The following SRD5A2 variants were observed in gnomAD, a reference collection of about 807,000 sequenced individuals.
The protein encoded by SRD5A2 is steroid 5 alpha-reductase 2.
SRD5A2 carries 30 observed loss-of-function variants against 27.4 expected under a neutral mutation model. The observed-to-expected ratio is 1.10, with a 90% CI of 0.82 to 1.49. SRD5A2 has a LOEUF of 1.49. Ranked by LOEUF, SRD5A2 falls within the 40% of genes most tolerant of loss-of-function variation. The pLI is 0.00. For missense variants in SRD5A2, 348 were observed against 323.4 expected, an observed-to-expected ratio of 1.08 and a Z score of -0.58; for synonymous variants, 141 against 133.6, an observed-to-expected ratio of 1.06 and a Z score of -0.38.
chr2:31,578,410 T>C (rs1667004554), intron 1 of SRD5A2, among the ~76,000 whole-genome samples: 1 of 152,194 alleles, frequency 6.6e-6, no homozygotes, highest in African/African-American at 2.4e-5. Flanking sequence ...TGTGTGACCT[T>C]GGGCAAGGAA....
chr2:31,570,074 G>A (rs572043496), intron 1 of SRD5A2, among the ~76,000 whole-genome samples: 5 of 152,000 alleles, frequency 3.3e-5, no homozygotes, highest in African/African-American at 1.2e-4. Context: ...AGACACAACA[G>A]AAAAAGAAAA....
chr2:31,526,381 C>T (rs1040721183), intron 4 of SRD5A2, 119 bp from the exon 5 acceptor site: 10 of 688,534 alleles, frequency 1.5e-5, no homozygotes, highest in African/African-American at 5.4e-5. Flanking sequence ...CTGACTATTT[C>T]GATGGTCACT....
the SRD5A2 span, among the ~76,000 whole-genome samples, chr2:31,623,030 C>T: frequency 6.6e-6 from 1 of 152,062 alleles, no homozygotes; most frequent in Non-Finnish European, 1.5e-5. Flanking sequence ...GTAAGAGGAT[C>T]ACCTTCAATG....
In SRD5A2 at chr2:31,555,439, C is replaced by T. The variant is rs112905848; in HGVS notation, c.282-21673G>A. Among the ~76,000 whole-genome samples the T allele has an allele frequency of 6.1e-3, 932 of 152,180 alleles. 6 individuals carry two copies. Among genetic ancestry groups the T allele is most frequent in the South Asian group, 0.017 (81 of 4,816 alleles). On this transcript the variant is annotated intron_variant, in intron 1 of 4. Transcript: ENST00000622030. ...GTTGTCTCAGGCATGAGTATTCAAC[C>T]CAACAAATCTCGGTAAGGTTTTGCT...
chr2:31,586,289 C>T, the SRD5A2 span, among the ~76,000 whole-genome samples: 1 of 152,212 alleles, frequency 6.6e-6, no homozygotes, highest in Admixed American at 6.5e-5. Flanking sequence ...TCCCTGACTC[C>T]TAGACAACAT....
chr2:31,629,696 T>G, the SRD5A2 span, among the ~76,000 whole-genome samples: 1 of 152,282 alleles, frequency 6.6e-6, no homozygotes, highest in African/African-American at 2.4e-5. Flanking sequence ...CATTAGCTGG[T>G]TGAGATCATG....
intron 4 of SRD5A2, among the ~76,000 whole-genome samples, chr2:31,526,477 G>C (rs1241302025): frequency 6.6e-6 from 1 of 152,304 alleles, no homozygotes; most frequent in African/African-American, 2.4e-5. Context: ...AACAGGCAGA[G>C]GGTAGTGGTG....
At chr2:31,620,096 A>T in the SRD5A2 span, among the ~76,000 whole-genome samples, 1 of 151,960 alleles carries the variant, frequency 6.6e-6, no homozygotes, top group East Asian at 1.9e-4. Flanking sequence ...TCTTTAATCC[A>T]TCTTGAGATG....
intron 1 of SRD5A2, 77 bp downstream of exon 1, chr2:31,580,543 G>T: frequency 7.1e-7 from 1 of 1,411,746 alleles, no homozygotes; most frequent in Non-Finnish European, 9.3e-7. Flanking sequence ...TCCTCGGTGC[G>T]CGCTCCACGC....
chr2:31,590,231 CT>C, the SRD5A2 span, among the ~76,000 whole-genome samples: 1 of 136,100 alleles, frequency 7.3e-6, no homozygotes, highest in Non-Finnish European at 1.5e-5. Context: ...CTCTTGGGAG[CT>C]CTATGGCCCC....
chr2:31,580,250 T>C (rs1185514968), intron 1 of SRD5A2, among the ~76,000 whole-genome samples: 2 of 152,200 alleles, frequency 1.3e-5, no homozygotes, highest in African/African-American at 2.4e-5. Flanking sequence ...ATGCCACAGG[T>C]AACCGCCGCC....
chr2:31,638,496 A>T, the SRD5A2 span, among the ~76,000 whole-genome samples: 1 of 152,184 alleles, frequency 6.6e-6, no homozygotes, highest in East Asian at 1.9e-4. Context: ...TGTCTGGATG[A>T]TCTGTCCATT....
chr2:31,559,709 A>G (rs1666575089), intron 1 of SRD5A2, among the ~76,000 whole-genome samples: 1 of 152,170 alleles, frequency 6.6e-6, no homozygotes, highest in Non-Finnish European at 1.5e-5. Flanking sequence ...TGAATTGACT[A>G]ATGAAGTTAG....
the SRD5A2 span, among the ~76,000 whole-genome samples, chr2:31,598,851 A>G: frequency 6.6e-6 from 1 of 152,054 alleles, no homozygotes; most frequent in Non-Finnish European, 1.5e-5. Flanking sequence ...AATTGAGTAA[A>G]TTCTGCAATC....
rs1666123261 is a variant in SRD5A2, at chr2:31,541,296, G to C, written c.282-7530C>G. On this transcript the variant is annotated intron_variant, in intron 1 of 4. Transcript: ENST00000622030. Reference sequence around the variant, plus strand: ...CAACCTTGAGGAAAAAGAAGAGTCTGCATCCCAGAGTTACCACATCATTAA... The same window carrying C: ...CAACCTTGAGGAAAAAGAAGAGTCTCCATCCCAGAGTTACCACATCATTAA... Among the ~76,000 whole-genome samples the C allele has an allele frequency of 5.3e-5, 8 of 151,626 alleles. No homozygotes were observed. In the South Asian group the frequency reaches 1.7e-3, roughly 32 times the overall value.
chr2:31,572,770 C>G (rs1666877901), intron 1 of SRD5A2, among the ~76,000 whole-genome samples: 1 of 152,040 alleles, frequency 6.6e-6, no homozygotes, highest in South Asian at 2.1e-4. Flanking sequence ...GAACCAGAGT[C>G]TATACATGAA....
At chr2:31,574,380 T>C (rs774276068) in intron 1 of SRD5A2, among the ~76,000 whole-genome samples, 107 of 152,322 alleles carry the variant, frequency 7.0e-4, no homozygotes, top group Non-Finnish European at 5.1e-4. Flanking sequence ...TTGGTACATG[T>C]CACTTTGCCA....
chr2:31,659,414 A>T, the SRD5A2 span, among the ~76,000 whole-genome samples: 1 of 152,172 alleles, frequency 6.6e-6, no homozygotes, highest in Admixed American at 6.6e-5. Flanking sequence ...ATGCAATATG[A>T]TTTCATACCT....
chr2:31,588,139 C>A, the SRD5A2 span, among the ~76,000 whole-genome samples: 1 of 151,750 alleles, frequency 6.6e-6, no homozygotes, highest in African/African-American at 2.4e-5. Context: ...TTCAAAAGGG[C>A]AAATCTAAGA....
Sources: allele counts gnomAD v4.1 joint callset (sites outside exome capture counted in the v4.1 genomes callset), GRCh38; gene constraint gnomAD v4.1.1; transcripts MANE v1.5; gene names NCBI Gene and HGNC (gene_info 2026-07-23, HGNC 2026-07-21).